The following ZMYND11 variants were observed in gnomAD, a reference collection of about 807,000 sequenced individuals.
The protein encoded by ZMYND11 is zinc finger MYND domain-containing protein 11.
Under a neutral mutation model 84.9 loss-of-function variants are expected in ZMYND11, and 9 were observed. That is an observed-to-expected ratio of 0.11 (90% CI 0.06 to 0.18). The LOEUF (loss-of-function observed/expected upper bound fraction) is 0.18. Ranked by LOEUF, ZMYND11 falls within the 10% of genes least tolerant of loss-of-function variation. The pLI, the probability that ZMYND11 is intolerant of heterozygous loss-of-function variation, is 1.00. For synonymous variants in ZMYND11, 250 were observed against 244.1 expected (o/e 1.02, Z -0.23); for missense variants, 409 against 761.0 (o/e 0.54, Z 5.44).
intron 4 of ZMYND11, among the ~76,000 whole-genome samples, chr10:227,281 C>T (rs974974466): frequency 6.6e-6 from 1 of 152,148 alleles, no homozygotes; most frequent in African/African-American, 2.4e-5. Context: ...TTTATTTGCT[C>T]CTGCCCTTCT....
upstream of ZMYND11, among the ~76,000 whole-genome samples, chr10:133,067 G>T (rs1231955857): frequency 3.3e-5 from 5 of 152,136 alleles, no homozygotes; most frequent in African/African-American, 9.7e-5. Context: ...ATTCAGCTGA[G>T]GGGCAAATGA....
At chr10:139,784 T>G (rs544473683) in intron 1 of ZMYND11, among the ~76,000 whole-genome samples, 1 of 142,116 alleles carries the variant, frequency 7.0e-6, no homozygotes, top group African/African-American at 2.6e-5. Context: ...CCATCTTGGC[T>G]CACTACAACC....
At chr10:233,414 A>C (rs1163766284) in intron 4 of ZMYND11, among the ~76,000 whole-genome samples, 1 of 152,194 alleles carries the variant, frequency 6.6e-6, no homozygotes, top group Non-Finnish European at 1.5e-5. Context: ...GTGAGGGATA[A>C]GTTTGGCCTG....
intron 2 of ZMYND11, among the ~76,000 whole-genome samples, chr10:188,733 G>T (rs1478488692): frequency 1.3e-5 from 2 of 151,742 alleles, no homozygotes; most frequent in Non-Finnish European, 2.9e-5. Flanking sequence ...AAACAAATTA[G>T]TCACATCTGA....
chr10:139,696 A>G (rs1410381659), intron 1 of ZMYND11, among the ~76,000 whole-genome samples: 3 of 144,120 alleles, frequency 2.1e-5, no homozygotes, highest in African/African-American at 7.7e-5. Context: ...TTAAACTTAC[A>G]CATGGTCCTT....
chr10:248,983 A>G lies in ZMYND11; in HGVS notation c.1581A>G (p.Lys527=), dbSNP rs773217942. Residue 527 remains lysine, a synonymous_variant, in exon 14 of 15, where the codon AAA becomes AAG. Coordinates refer to ENST00000381604, the MANE Select transcript of ZMYND11 (RefSeq NM_001370100.5). ...VANMQGEMDR[K]CKQVKEKCKE... Reference sequence around the variant, plus strand: ...ACATGCAGGGTGAGATGGACAGAAAATGTAAGCAAGTAAAGGAAAAGTGTA... The same window carrying G: ...ACATGCAGGGTGAGATGGACAGAAAGTGTAAGCAAGTAAAGGAAAAGTGTA... 1 of 1,614,228 alleles carries G rather than the reference A, an allele frequency of 6.2e-7. No individual in the cohort carries two copies. Among genetic ancestry groups the G allele is most frequent in the Non-Finnish European group, 8.5e-7 (1 of 1,180,030 alleles).
In ZMYND11 at chr10:175,564, C is replaced by T. The variant is rs973842709; in HGVS notation, c.-19-4430C>T. Among the ~76,000 whole-genome samples, 6 of 151,878 alleles carry T rather than the reference C, an allele frequency of 4.0e-5. No individual in the cohort carries two copies. In the East Asian group the frequency reaches 5.8e-4, roughly 15 times the overall value. On this transcript the variant is annotated intron_variant, in intron 1 of 14. Coordinates refer to ENST00000381604, the MANE Select transcript of ZMYND11 (RefSeq NM_001370100.5). ...AGCCTGGGTGACAAGAGCGAAACTCCGCCTCAAAAAATAAAAAACAAAAAT... is the reference window on the plus strand; with the variant it reads ...AGCCTGGGTGACAAGAGCGAAACTCTGCCTCAAAAAATAAAAAACAAAAAT...
At chr10:158,386 A>G (rs1588519241) in intron 1 of ZMYND11, among the ~76,000 whole-genome samples, 1 of 145,592 alleles carries the variant, frequency 6.9e-6, no homozygotes, top group East Asian at 2.0e-4. Flanking sequence ...AGTTTCTATT[A>G]TTCTATTATT....
At chr10:136,228 C>T (rs1428632222) in intron 1 of ZMYND11, among the ~76,000 whole-genome samples, 2 of 152,152 alleles carry the variant, frequency 1.3e-5, no homozygotes, top group Non-Finnish European at 2.9e-5. Flanking sequence ...GCTGAGGACG[C>T]GGCTGGGACG....
intron 2 of ZMYND11, among the ~76,000 whole-genome samples, chr10:197,538 ATG>A (rs1942109870): frequency 6.6e-6 from 1 of 152,222 alleles, no homozygotes; most frequent in Non-Finnish European, 1.5e-5. Context: ...CCTGCTGAGG[ATG>A]TGTTGCAGAT....
chr10:228,538 C>T (rs1367476914), intron 4 of ZMYND11, among the ~76,000 whole-genome samples: 5 of 152,088 alleles, frequency 3.3e-5, no homozygotes, highest in South Asian at 4.1e-4. Flanking sequence ...AGTGCAGAAG[C>T]GATGAGAGGG....
At chr10:251,082 G>A (rs1013522761) in intron 14 of ZMYND11, among the ~76,000 whole-genome samples, 4 of 152,190 alleles carry the variant, frequency 2.6e-5, no homozygotes, top group African/African-American at 9.7e-5. Context: ...AAATAGAGTA[G>A]TATTATAGGA....
chr10:225,847 G>A (rs1335223561), intron 4 of ZMYND11, among the ~76,000 whole-genome samples: 2 of 152,180 alleles, frequency 1.3e-5, no homozygotes, highest in Non-Finnish European at 2.9e-5. Context: ...GTCATAAGAA[G>A]CCCCTGGGCA....
At chr10:175,645 T>A (rs896043841) in intron 1 of ZMYND11, among the ~76,000 whole-genome samples, 3 of 152,210 alleles carry the variant, frequency 2.0e-5, no homozygotes, top group Admixed American at 6.5e-5. Context: ...GAAGGACTTC[T>A]GATCACAAAA....
intron 11 of ZMYND11, 70 bp downstream of exon 11, chr10:247,043 C>G: frequency 7.1e-7 from 1 of 1,406,322 alleles, no homozygotes. Flanking sequence ...AGTGCACACT[C>G]CTCACTGTAA....
Position 158,984 on chromosome 10 carries a change from G to GTTTTTTTTTTT in ZMYND11, c.-19-21004_-19-21003insTTTTTTTTTTT, listed in dbSNP as rs376931420. Among the ~76,000 whole-genome samples the GTTTTTTTTTTT allele has an allele frequency of 9.0e-4, 36 of 40,046 alleles. 5 individuals are homozygous for GTTTTTTTTTTT. The highest frequency in any genetic ancestry group is 1.4e-3 in the Non-Finnish European group (28 of 19,340). 26.3% of individuals were successfully genotyped at this position (40,046 alleles called of 152,430 possible). On this transcript the variant is annotated intron_variant, in intron 1 of 14. Coordinates refer to ENST00000381604, the MANE Select transcript of ZMYND11 (RefSeq NM_001370100.5). ...AGATATATGATTTGCAGGGTTTTTT[G>GTTTTTTTTTTT]TTTTTTGTTTTTTTTTTTTTTTTTA...
chr10:209,147 A>C (rs1041332088), intron 2 of ZMYND11, among the ~76,000 whole-genome samples: 3 of 152,132 alleles, frequency 2.0e-5, no homozygotes, highest in Non-Finnish European at 4.4e-5. Context: ...TTAAACAAAA[A>C]AGATACAAAG....
At chr10:160,433 G>A (rs533802354) in intron 1 of ZMYND11, among the ~76,000 whole-genome samples, 168 of 152,310 alleles carry the variant, frequency 1.1e-3, no homozygotes, top group Non-Finnish European at 2.0e-3. Flanking sequence ...ACTGATTAGG[G>A]TGGTGGCTGC....
At position 237,571 on chromosome 10, in the gene ZMYND11, T is replaced by TAACA; in HGVS notation, c.517-13_517-10dup. 1 of 1,559,298 alleles carries TAACA rather than the reference T, an allele frequency of 6.4e-7. No homozygotes were observed. Among genetic ancestry groups the TAACA allele is most frequent in the Non-Finnish European group, 8.8e-7 (1 of 1,139,806 alleles). ...TTTAACCACATTTAAATTGATGTAC[T>TAACA]AACACCCTCTTAGGCTATAGATCTT... On this transcript the variant is annotated splice_polypyrimidine_tract_variant and intron_variant, in intron 5 of 14. Transcript: ENST00000381604.
Sources: gnomAD v4.1 joint callset for allele counts (sites outside exome capture counted in the v4.1 genomes callset) on GRCh38, gnomAD v4.1.1 for gene constraint, MANE v1.5 for transcripts, NCBI Gene and HGNC (gene_info 2026-07-23, HGNC 2026-07-21) for gene names.